RNFT2: variants seen among roughly 807,000 people sequenced by gnomAD.
RNFT2 encodes the protein ring finger protein, transmembrane 2.
A neutral mutation model predicts 53.0 loss-of-function variants in RNFT2; 36 were observed. The ratio of observed to expected loss-of-function variants is 0.68; its 90% CI spans 0.52 to 0.90. RNFT2 has a LOEUF of 0.90. Ranked by LOEUF, RNFT2 falls within the 40% of genes least tolerant of loss-of-function variation. RNFT2 has a pLI of 0.00. For missense variants in RNFT2, 514 were observed against 585.6 expected (o/e 0.88, Z 1.26); for synonymous variants, 260 against 253.2 (o/e 1.03, Z -0.26).
intron 5 of RNFT2, among the ~76,000 whole-genome samples, chr12:116,762,460 G>C (rs1872727535): frequency 6.6e-6 from 1 of 152,098 alleles, no homozygotes; most frequent in Admixed American, 6.5e-5. Flanking sequence ...ACAAGTACTG[G>C]GTATGGTGGC....
At chr12:116,838,420 A>C (rs11068202) in intron 10 of RNFT2, among the ~76,000 whole-genome samples, 21,940 of 152,166 alleles carry the variant, frequency 0.14, 2,834 homozygotes, top group African/African-American at 0.34. Flanking sequence ...TTTCTAGTGG[A>C]AGAATTACTG....
intron 7 of RNFT2, among the ~76,000 whole-genome samples, chr12:116,812,955 G>T (rs931236427): frequency 6.7e-6 from 1 of 150,334 alleles, no homozygotes; most frequent in African/African-American, 2.4e-5. Context: ...TTTGTCATTT[G>T]TTTTTGTTTT....
intron 7 of RNFT2, among the ~76,000 whole-genome samples, chr12:116,833,001 C>T (rs892627100): frequency 1.4e-5 from 2 of 144,490 alleles, no homozygotes; most frequent in Non-Finnish European, 3.0e-5. Flanking sequence ...TGCAACTCTG[C>T]CTCCCAAGTT....
rs142608398 is a variant in RNFT2, at chr12:116,833,101, T to C, written c.883-691T>C. Among the ~76,000 whole-genome samples, 529 of 152,132 alleles carry C rather than the reference T, an allele frequency of 3.5e-3. 2 individuals are homozygous for C. Among genetic ancestry groups the C allele is most frequent in the African/African-American group, 0.011 (470 of 41,508 alleles). On this transcript the variant is annotated intron_variant, in intron 7 of 10. Coordinates refer to ENST00000257575, the MANE Select transcript of RNFT2 (RefSeq NM_001382266.1). ...GCTCAGCTAATTTTTGTATTTTTAG[T>C]AGAGTTGGGGGTTCGCCATGTTGGC...
At chr12:116,811,191 G>C (rs923540877) in intron 7 of RNFT2, among the ~76,000 whole-genome samples, 7 of 151,958 alleles carry the variant, frequency 4.6e-5, no homozygotes, top group Admixed American at 3.9e-4. Context: ...GATGGCTTGA[G>C]CCCAAGAGTT....
chr12:116,831,600 A>G (rs1195531086), intron 7 of RNFT2, among the ~76,000 whole-genome samples: 1 of 151,678 alleles, frequency 6.6e-6, no homozygotes, highest in Non-Finnish European at 1.5e-5. Flanking sequence ...CTTTGCACCT[A>G]TCTCTGATTA....
chr12:116,740,204 A>G (rs1251807344), intron 1 of RNFT2, 141 bp from the exon 2 acceptor site: 3 of 295,940 alleles, frequency 1.0e-5, no homozygotes, highest in Non-Finnish European at 1.9e-5. Flanking sequence ...AAGGAGTTTC[A>G]AGGGGGGATC....
chr12:116,743,806 G>A (rs1357119078), intron 3 of RNFT2, among the ~76,000 whole-genome samples: 1 of 152,098 alleles, frequency 6.6e-6, no homozygotes, highest in Non-Finnish European at 1.5e-5. Flanking sequence ...TGCCTGTTCT[G>A]CAGGGAAGAA....
At chr12:116,738,788 G>A (rs546802040) in intron 1 of RNFT2, 40 of 152,334 alleles carry the variant, frequency 2.6e-4, no homozygotes, top group African/African-American at 9.4e-4. Context: ...GCATCCGAAA[G>A]TAGAGTTTCG....
intron 7 of RNFT2, among the ~76,000 whole-genome samples, chr12:116,824,127 G>T (rs1429905408): frequency 6.6e-6 from 1 of 152,056 alleles, no homozygotes. Flanking sequence ...GTATTTCTGT[G>T]CCCAACATGG....
At chr12:116,838,260 T>A (rs1461667972) in intron 10 of RNFT2, among the ~76,000 whole-genome samples, 1 of 152,220 alleles carries the variant, frequency 6.6e-6, no homozygotes, top group Non-Finnish European at 1.5e-5. Flanking sequence ...GGAGATCAAT[T>A]GCACCAACCT....
intron 7 of RNFT2, among the ~76,000 whole-genome samples, chr12:116,793,247 T>C (rs1045333348): frequency 2.7e-5 from 4 of 147,600 alleles, no homozygotes; most frequent in African/African-American, 1.0e-4. Flanking sequence ...GGTTTCATTG[T>C]CCAGGCTGGA....
rs1877974430 is a variant in RNFT2, at chr12:116,852,451, T to A, written c.*3003T>A. 2.8e-6 allele frequency: 4 copies of A among 1,423,070 alleles called. No individual in the cohort carries two copies. Among genetic ancestry groups the A allele is most frequent in the Non-Finnish European group, 3.7e-6 (4 of 1,087,800 alleles). The allele number at this position is 1,423,070 out of a possible 1,614,324, so 88.2% of individuals were successfully genotyped here. On this transcript the variant is annotated 3_prime_UTR_variant, in exon 11 of 11. Coordinates refer to ENST00000257575, the MANE Select transcript of RNFT2 (RefSeq NM_001382266.1). ...GTCTGTTCCAGGGCAGTGTAGCATC[T>A]TTCAAGCTCCGTTACTATGGCGATG... is the stretch of plus-strand genomic sequence containing the variant.
chr12:116,801,768 G>A (rs1874801933), intron 7 of RNFT2, among the ~76,000 whole-genome samples: 1 of 152,002 alleles, frequency 6.6e-6, no homozygotes, highest in Non-Finnish European at 1.5e-5. Context: ...ATGTTAATAG[G>A]CATTTTATTG....
At chr12:116,743,245 C>CAAAAAAAAAAAA (rs1491208112) in intron 3 of RNFT2, among the ~76,000 whole-genome samples, 3 of 27,188 alleles carry the variant, frequency 1.1e-4, no homozygotes, top group Non-Finnish European at 2.0e-4. Flanking sequence ...AAAAAAAAAA[C>CAAAAAAAAAAAA]CGGTTAAAAA....
At position 116,852,350 on chromosome 12, in the gene RNFT2, T is replaced by A. The variant is rs903773; in HGVS notation, c.*2902T>A. 1 of 1,285,266 alleles carries A rather than the reference T, an allele frequency of 7.8e-7. No individual in the cohort carries two copies. Among genetic ancestry groups the A allele is most frequent in the Non-Finnish European group, 9.9e-7 (1 of 1,011,490 alleles). The allele number at this position is 1,285,266 out of a possible 1,614,324, so 79.6% of individuals were successfully genotyped here. On this transcript the variant is annotated 3_prime_UTR_variant, in exon 11 of 11. Transcript: ENST00000257575. ...TGCCCCGCCGTAGATTCAGGACATT[T>A]GCCCCTGTGTGCCACCAAACCAGGA... is the stretch of plus-strand genomic sequence containing the variant.
intron 6 of RNFT2, among the ~76,000 whole-genome samples, chr12:116,775,567 T>C (rs935068917): frequency 2.4e-4 from 37 of 152,354 alleles, no homozygotes; most frequent in African/African-American, 8.9e-4. Context: ...GGGCAAGTCA[T>C]GTCACCTCTC....
At chr12:116,774,570 C>G (rs1436234534) in intron 6 of RNFT2, among the ~76,000 whole-genome samples, 1 of 152,120 alleles carries the variant, frequency 6.6e-6, no homozygotes, top group Non-Finnish European at 1.5e-5. Context: ...GTAGGGTTGG[C>G]CAGAGGACCT....
At position 116,750,891 on chromosome 12, in the gene RNFT2, A is replaced by T. The variant is rs1160680023; in HGVS notation, c.550+584A>T. ...TATATAATATATATATTATATATATAATATATATATATATATATTTTTTTT... is the reference window on the plus strand; with the variant it reads ...TATATAATATATATATTATATATATTATATATATATATATATATTTTTTTT... On this transcript the variant is annotated intron_variant, in intron 4 of 10. Coordinates refer to ENST00000257575, the MANE Select transcript of RNFT2 (RefSeq NM_001382266.1). Among the ~76,000 whole-genome samples the T allele has an allele frequency of 1.9e-3, 4 of 2,100 alleles. 1 individual carries two copies. The highest frequency in any genetic ancestry group is 0.02 in the Admixed American group (2 of 100). 1.4% of individuals were successfully genotyped at this position (2,100 alleles called of 152,430 possible). A position where few individuals can be genotyped will look rare whatever the true frequency, so the allele number is the denominator to read the frequency against.
Sources: allele counts gnomAD v4.1 joint callset (sites outside exome capture counted in the v4.1 genomes callset), GRCh38; gene constraint gnomAD v4.1.1; transcripts MANE v1.5; gene names NCBI Gene and HGNC (gene_info 2026-07-23, HGNC 2026-07-21).